The following ZBTB46 variants were observed in gnomAD, a reference collection of about 807,000 sequenced individuals.
ZBTB46 encodes zinc finger and BTB domain containing 46.
ZBTB46 carries 8 observed loss-of-function variants against 44.1 expected under a neutral mutation model. That is an observed-to-expected ratio of 0.18 (90% CI 0.11 to 0.33). The LOEUF (loss-of-function observed/expected upper bound fraction) is 0.33, where lower values mean the gene tolerates loss of function less well. Among genes scored for constraint, ZBTB46 ranks in the 10% least tolerant of loss-of-function variants. The probability of loss-of-function intolerance (pLI) is 1.00; values close to 1 mark genes in which losing one functional copy is unlikely to be tolerated. For missense variants in ZBTB46, 651 were observed against 847.7 expected (o/e 0.77, Z 2.88); for synonymous variants, 409 against 382.3 (o/e 1.07, Z -0.81).
rs984437948 is a variant in ZBTB46 at position 63,775,784 on chromosome 20, C to A, written c.1116G>T (p.Ala372=). 1.2e-6 allele frequency: 2 copies of A among 1,613,362 alleles called. No homozygotes were observed. The highest frequency in any genetic ancestry group is 1.3e-5 in the African/African-American group (1 of 75,044). ...GCAGGCTGTTCTTACTCATGAGCGC[C>A]GCGCGCAGGTTGGCCACCGCGGTGG... ...HQATAVANLR[A]ALMSKNSLLS... is the part of the protein sequence containing the mutation. Residue 372 remains alanine, a synonymous_variant, in exon 3 of 5, where the codon GCG becomes GCT. Coordinates refer to ENST00000245663, the MANE Select transcript of ZBTB46 (RefSeq NM_001369741.1).
intron 2 of ZBTB46, among the ~76,000 whole-genome samples, chr20:63,784,144 C>T (rs910687391): frequency 2.0e-5 from 3 of 152,208 alleles, no homozygotes; most frequent in Non-Finnish European, 4.4e-5. Context: ...CGGCCCCCTC[C>T]GCTCACCAGT....
At position 63,790,091 on chromosome 20, in the gene ZBTB46, A is replaced by G. The variant is rs774473549; in HGVS notation, c.667T>C (p.Tyr223His). 1.9e-6 allele frequency: 3 copies of G among 1,614,060 alleles called. No individual in the cohort carries two copies. Among genetic ancestry groups the G allele is most frequent in the Admixed American group, 3.3e-5 (2 of 60,022 alleles). The change falls in exon 2 of 5, where the codon TAC (tyrosine) becomes CAC (histidine). Residue 223 changes from tyrosine (Y) to histidine (H), a missense_variant. Tyr to His is a moderately conservative substitution (Grantham distance 83). Around this residue, in one of 5 missense-constraint regions of ZBTB46, gnomAD observed 385 missense variants for 423.3 expected, o/e 0.91. Coordinates refer to ENST00000245663, the MANE Select transcript of ZBTB46 (RefSeq NM_001369741.1). ...TCTTCCTTGATGCGCAGAGGCCCGT[A>G]GCCCACGTCTCCAGGCCATAGAGGC... ...SQPLWPGDVGYGPLRIKEEQV... is the reference protein window; with the variant it reads ...SQPLWPGDVGHGPLRIKEEQV...
intron 1 of ZBTB46, among the ~76,000 whole-genome samples, chr20:63,807,700 A>C (rs2092690196): frequency 6.6e-6 from 1 of 152,258 alleles, no homozygotes; most frequent in Non-Finnish European, 1.5e-5. Context: ...AAGCAATATG[A>C]TAGAATCCCT....
Position 63,752,982 on chromosome 20 carries a change from A to C in ZBTB46, c.1223-121T>G, listed in dbSNP as rs1023433021. The C allele has an allele frequency of 1.6e-5, 18 of 1,113,828 alleles. No homozygotes were observed. The highest frequency in any genetic ancestry group is 2.2e-5 in the Non-Finnish European group (18 of 801,448). The allele number at this position is 1,113,828 out of a possible 1,614,324, so 69.0% of individuals were successfully genotyped here. A position where few individuals can be genotyped will look rare whatever the true frequency, so the allele number is the denominator to read the frequency against. ...GACGGGCTGTCTCCCACGGCCACCCACTGGGGGCTGGTCAGCACTGCGACA... is the reference window on the plus strand; with the variant it reads ...GACGGGCTGTCTCCCACGGCCACCCCCTGGGGGCTGGTCAGCACTGCGACA... On this transcript the variant is annotated intron_variant, in intron 3 of 4. Coordinates refer to ENST00000245663, the MANE Select transcript of ZBTB46 (RefSeq NM_001369741.1). This position sits in a 1 kb window ranked among gnomAD's most constrained non-coding sequence, Gnocchi z 5.6.
At chr20:63,786,658 C>T (rs575078662) in intron 2 of ZBTB46, among the ~76,000 whole-genome samples, 41 of 152,138 alleles carry the variant, frequency 2.7e-4, no homozygotes, top group African/African-American at 7.7e-4. Context: ...ACTACAGGCG[C>T]GCACCACCAC....
At chr20:63,796,812 T>TA in intron 1 of ZBTB46, among the ~76,000 whole-genome samples, 1 of 151,646 alleles carries the variant, frequency 6.6e-6, no homozygotes, top group East Asian at 1.9e-4. Flanking sequence ...GCAACAAGAG[T>TA]AAGACTCCAT....
chr20:63,746,872 C>A lies in ZBTB46; in HGVS notation c.*58G>T. 1 of 1,443,856 alleles carries A rather than the reference C, an allele frequency of 6.9e-7. No individual in the cohort carries two copies. The highest frequency in any genetic ancestry group is 9.1e-7 in the Non-Finnish European group (1 of 1,100,498). 89.4% of individuals were successfully genotyped at this position (1,443,856 alleles called of 1,614,324 possible). A position where few individuals can be genotyped will look rare whatever the true frequency, so the allele number is the denominator to read the frequency against. On this transcript the variant is annotated 3_prime_UTR_variant, in exon 5 of 5. Transcript: ENST00000245663. ...CCCTGGCCCCGCAGTGGAGACCCAC[C>A]GGACACACACACGGGTGGACGGAGC...
Position 63,775,709 on chromosome 20 carries a change from C to T in ZBTB46, c.1191G>A (p.Glu397=), listed in dbSNP as rs1258981629. ...GCGAGTGGGCCCCTCTGGGCAGGTACTCGAACAGCAGGGAGCCGTCATCCC... is the reference window on the plus strand; with the variant it reads ...GCGAGTGGGCCCCTCTGGGCAGGTATTCGAACAGCAGGGAGCCGTCATCCC... ...VLGDDGSLLF[E]YLPRGAHSLS... Residue 397 remains glutamate, a synonymous_variant, in exon 3 of 5, where the codon GAG becomes GAA. Transcript: ENST00000245663. The T allele has an allele frequency of 6.2e-7, 1 of 1,600,968 alleles. No homozygotes were observed. The highest frequency in any genetic ancestry group is 2.2e-5 in the East Asian group (1 of 44,750).
At position 63,775,754 on chromosome 20, in the gene ZBTB46, C is replaced by T. The variant is rs1281976122; in HGVS notation, c.1146G>A (p.Ser382=). ...AALMSKNSLL[S]LKADVLGDDG... ...CATCCCCCAGCACGTCGGCCTTCAG[C>T]GACAGCAGGCTGTTCTTACTCATGA... is the stretch of plus-strand genomic sequence containing the variant. The change falls in exon 3 of 5, where the codon TCG becomes TCA. Residue 382 remains serine, a synonymous_variant. Coordinates refer to ENST00000245663, the MANE Select transcript of ZBTB46 (RefSeq NM_001369741.1). 19 of 1,612,634 alleles carry T rather than the reference C, an allele frequency of 1.2e-5. No individual in the cohort carries two copies. Among genetic ancestry groups the T allele is most frequent in the Admixed American group, 1.7e-5 (1 of 59,914 alleles).
At chr20:63,772,462 T>G (rs564243625) in intron 3 of ZBTB46, among the ~76,000 whole-genome samples, 62 of 152,108 alleles carry the variant, frequency 4.1e-4, no homozygotes, top group Middle Eastern at 3.4e-3. Context: ...CTCACGCCTA[T>G]AAACCCGGCA....
intron 2 of ZBTB46, among the ~76,000 whole-genome samples, chr20:63,784,052 A>G (rs1005359963): frequency 6.6e-6 from 1 of 152,220 alleles, no homozygotes; most frequent in Non-Finnish European, 1.5e-5. Flanking sequence ...TCGTGTGATC[A>G]GGACGGCTGA....
At chr20:63,768,943 T>TC (rs1446933245) in intron 3 of ZBTB46, among the ~76,000 whole-genome samples, 12 of 152,258 alleles carry the variant, frequency 7.9e-5, no homozygotes, top group South Asian at 6.2e-4. Context: ...GTCTTTACAT[T>TC]AAGGGAAAAA....
At position 63,757,497 on chromosome 20, in the gene ZBTB46, T is replaced by C. The variant is rs911907936; in HGVS notation, c.1223-4636A>G. Among the ~76,000 whole-genome samples the C allele has an allele frequency of 7.9e-5, 12 of 152,158 alleles. No homozygotes were observed. The East Asian group carries it at 1.2e-3, about 15-fold the overall frequency. On this transcript the variant is annotated intron_variant, in intron 3 of 4. Coordinates refer to ENST00000245663, the MANE Select transcript of ZBTB46 (RefSeq NM_001369741.1). ...TCTTGAAAAGACCATCTGTCCCACA[T>C]TGAGTTGCAGAGTGGGCTTTCTGGT...
At chr20:63,776,223 ACGG>A (rs2092424791) in intron 2 of ZBTB46, among the ~76,000 whole-genome samples, 1 of 152,194 alleles carries the variant, frequency 6.6e-6, no homozygotes, top group Non-Finnish European at 1.5e-5. Context: ...ACTCAGAACA[ACGG>A]GGTTGCCCTC....
At chr20:63,821,440 CT>C (rs367924517) in intron 1 of ZBTB46, among the ~76,000 whole-genome samples, 154 of 139,372 alleles carry the variant, frequency 1.1e-3, no homozygotes, top group Middle Eastern at 3.6e-3. Flanking sequence ...AGCAGGCACG[CT>C]TTTTTTTTTT....
At chr20:63,762,679 A>AACAAACAAAC (rs112343200) in intron 3 of ZBTB46, among the ~76,000 whole-genome samples, 6 of 143,826 alleles carry the variant, frequency 4.2e-5, no homozygotes, top group South Asian at 2.1e-4. Flanking sequence ...CAAACAAACA[A>AACAAACAAAC]AAAAAAAACC....
rs1226050957 is a variant in ZBTB46 at position 63,775,891 on chromosome 20, C to T, written c.1009G>A (p.Val337Met). The T allele has an allele frequency of 6.2e-7, 1 of 1,611,710 alleles. No homozygotes were observed. The highest frequency in any genetic ancestry group is 8.5e-7 in the Non-Finnish European group (1 of 1,179,612). The change falls in exon 3 of 5, where the codon GTG becomes ATG. Residue 337 changes from valine to methionine, a missense_variant. By Grantham distance (21) the Val-to-Met change is conservative. Around this residue, in one of 5 missense-constraint regions of ZBTB46, gnomAD observed 385 missense variants for 423.3 expected, o/e 0.91. Transcript: ENST00000245663. ...RGERAELYAQ[V>M]EEGLLGGEAS... Reference sequence around the variant, plus strand: ...TCTCCTCCCAGGAGACCCTCCTCCACCTGTGCATAGAGCTCGGCCCTCTCT... The same window carrying T: ...TCTCCTCCCAGGAGACCCTCCTCCATCTGTGCATAGAGCTCGGCCCTCTCT...
upstream of ZBTB46, among the ~76,000 whole-genome samples, chr20:63,831,672 A>G (rs564634699): frequency 1.3e-5 from 2 of 149,188 alleles, no homozygotes; most frequent in East Asian, 4.1e-4. Context: ...GAAACACCCC[A>G]CGGGAGCGGC....
At chr20:63,832,876 A>C (rs2092859145), upstream of ZBTB46, among the ~76,000 whole-genome samples, 1 of 151,864 alleles carries the variant, frequency 6.6e-6, no homozygotes, top group African/African-American at 2.4e-5. The surrounding 1 kb of genome is among the most constrained non-coding windows in gnomAD (Gnocchi z 5.0). Flanking sequence ...CCTTGGAGAA[A>C]ACAGCACTGC....
Sources: allele counts gnomAD v4.1 joint callset (sites outside exome capture counted in the v4.1 genomes callset), GRCh38; gene constraint gnomAD v4.1.1; regional missense constraint gnomAD v4.1.1; non-coding constraint Gnocchi (gnomAD v3.1); transcripts MANE v1.5; gene names NCBI Gene and HGNC (gene_info 2026-07-23, HGNC 2026-07-21).